The following EFCAB5 variants were observed in gnomAD, a reference collection of about 807,000 sequenced individuals.
EFCAB5 encodes the protein EF-hand calcium binding domain 5.
EFCAB5 carries 131 observed loss-of-function variants against 167.9 expected under a neutral mutation model. The observed-to-expected ratio is 0.78, with a 90% confidence interval of 0.68 to 0.90. EFCAB5 has a LOEUF of 0.90. Among genes scored for constraint, EFCAB5 ranks in the 40% least tolerant of loss-of-function variants. The pLI, the probability that EFCAB5 is intolerant of heterozygous loss-of-function variation, is 0.00. For missense variants in EFCAB5, 1,663 were observed against 1,745.2 expected, an observed-to-expected ratio of 0.95 and a Z score of 0.84; for synonymous variants, 574 against 602.8, an observed-to-expected ratio of 0.95 and a Z score of 0.70.
At chr17:30,060,616 C>A (rs1196547040) in intron 14 of EFCAB5, among the ~76,000 whole-genome samples, 1 of 152,156 alleles carries the variant, frequency 6.6e-6, no homozygotes, top group East Asian at 1.9e-4. Flanking sequence ...TTTCAAAAAT[C>A]ATTGTATTGG....
At chr17:29,971,057 G>C (rs889817898) in intron 4 of EFCAB5, among the ~76,000 whole-genome samples, 2 of 147,390 alleles carry the variant, frequency 1.4e-5, no homozygotes, top group African/African-American at 5.0e-5. Context: ...CTGGGCAACA[G>C]AGTGAGACCC....
intron 7 of EFCAB5, among the ~76,000 whole-genome samples, chr17:30,019,362 A>T (rs1202502694): frequency 6.6e-6 from 1 of 152,040 alleles, no homozygotes; most frequent in Non-Finnish European, 1.5e-5. Context: ...TTGAGTAATC[A>T]TATGATTATA....
intron 10 of EFCAB5, among the ~76,000 whole-genome samples, chr17:30,055,124 G>A (rs1415680876): frequency 4.0e-5 from 6 of 151,516 alleles, no homozygotes; most frequent in Non-Finnish European, 2.9e-5. Context: ...ATGGCGAAAC[G>A]CCATCTCAAA....
intron 3 of EFCAB5, chr17:29,950,545 A>G (rs956570180): frequency 6.7e-6 from 1 of 150,116 alleles, no homozygotes; most frequent in African/African-American, 2.5e-5. Context: ...TAAGTTTTTA[A>G]TTTTTTTTTG....
chr17:30,018,194 T>G (rs2069092915), intron 7 of EFCAB5, among the ~76,000 whole-genome samples: 1 of 147,678 alleles, frequency 6.8e-6, no homozygotes, highest in African/African-American at 2.5e-5. Context: ...GATGTCAGTG[T>G]TTTTTTTTTT....
intron 8 of EFCAB5, among the ~76,000 whole-genome samples, chr17:30,045,137 G>T (rs1597719209): frequency 6.6e-6 from 1 of 152,184 alleles, no homozygotes; most frequent in East Asian, 1.9e-4. Context: ...GGTTTCCTGG[G>T]ACCATGAGTG....
chr17:30,000,464 A>G (rs750637800), intron 7 of EFCAB5, among the ~76,000 whole-genome samples: 137 of 152,346 alleles, frequency 9.0e-4, no homozygotes, highest in African/African-American at 3.2e-3. Flanking sequence ...CAAAGTCTAC[A>G]TAATATTGCA....
chr17:30,013,077 C>T (rs563479303), intron 7 of EFCAB5, among the ~76,000 whole-genome samples: 32 of 152,072 alleles, frequency 2.1e-4, no homozygotes, highest in Non-Finnish European at 3.2e-4. Flanking sequence ...GTTTTGTCTT[C>T]GGTTCTGTTT....
chr17:30,053,265 T>C lies in EFCAB5; in HGVS notation c.1311T>C (p.Ile437=). 6.3e-7 allele frequency: 1 copy of C among 1,598,448 alleles called. No homozygotes were observed. The highest frequency in any genetic ancestry group is 1.1e-5 in the South Asian group (1 of 89,486). The change falls in exon 10 of 23, where the codon ATT becomes ATC. Residue 437 remains isoleucine, a synonymous_variant. Coordinates refer to ENST00000394835, the MANE Select transcript of EFCAB5 (RefSeq NM_198529.4). The part of the protein sequence containing the change: ...LLRNPRQWPF[I]EFEEINLTEL... Reference sequence around the variant, plus strand: ...TGTTTTCTGCATTAGGGCCATTCATTGAATTTGAAGAGATAAACTTGACTG... The same window carrying C: ...TGTTTTCTGCATTAGGGCCATTCATCGAATTTGAAGAGATAAACTTGACTG...
chr17:30,086,676 T>C (rs555616676), intron 18 of EFCAB5, among the ~76,000 whole-genome samples: 1 of 152,150 alleles, frequency 6.6e-6, no homozygotes, highest in Non-Finnish European at 1.5e-5. Context: ...GTGGATCACA[T>C]GAGGTGAGGA....
At chr17:29,934,371 A>C (rs935281519) in intron 1 of EFCAB5, among the ~76,000 whole-genome samples, 8 of 152,222 alleles carry the variant, frequency 5.3e-5, no homozygotes, top group Non-Finnish European at 1.2e-4. Flanking sequence ...CCATCTACCC[A>C]AACACTTTTT....
chr17:30,082,793 A>C, intron 17 of EFCAB5, 98 bp from the exon 18 acceptor site: 1 of 1,229,294 alleles, frequency 8.1e-7, no homozygotes, highest in Non-Finnish European at 1.1e-6. Flanking sequence ...ATTATCATGA[A>C]GTAATTAAAT....
intron 7 of EFCAB5, among the ~76,000 whole-genome samples, chr17:30,017,063 G>A (rs916474653): frequency 1.3e-5 from 2 of 151,938 alleles, no homozygotes; most frequent in Non-Finnish European, 2.9e-5. Context: ...TTTAGTCCCA[G>A]CTACTCAAGA....
intron 6 of EFCAB5, among the ~76,000 whole-genome samples, chr17:29,996,942 C>G (rs950585431): frequency 6.6e-6 from 1 of 152,122 alleles, no homozygotes; most frequent in East Asian, 1.9e-4. Flanking sequence ...ACTATATATA[C>G]TAGGATTAAG....
At chr17:30,034,487 C>A in intron 8 of EFCAB5, 102 bp downstream of exon 8, 1 of 1,433,832 alleles carries the variant, frequency 7.0e-7, no homozygotes, top group Non-Finnish European at 9.3e-7. Flanking sequence ...TTACTTGAGC[C>A]CAGGAGTTTG....
At chr17:30,045,902 G>A (rs534996818) in intron 8 of EFCAB5, among the ~76,000 whole-genome samples, 96 of 152,002 alleles carry the variant, frequency 6.3e-4, no homozygotes, top group African/African-American at 2.2e-3. Flanking sequence ...TTAGCTGAGT[G>A]TAGTGGCATG....
At chr17:30,078,596 T>G in intron 15 of EFCAB5, 92 bp downstream of exon 15, 1 of 1,389,218 alleles carries the variant, frequency 7.2e-7, no homozygotes, top group Non-Finnish European at 9.6e-7. Flanking sequence ...TGAATTCTCT[T>G]GAAAAATCAC....
chr17:29,985,136 T>C (rs778739267), intron 4 of EFCAB5, among the ~76,000 whole-genome samples: 4 of 152,210 alleles, frequency 2.6e-5, no homozygotes, highest in African/African-American at 4.8e-5. Context: ...GGAGTCCTAA[T>C]AGGAGTGATG....
chr17:29,930,519 G>C (rs1452654390), intron 1 of EFCAB5, among the ~76,000 whole-genome samples: 1 of 152,130 alleles, frequency 6.6e-6, no homozygotes, highest in Non-Finnish European at 1.5e-5. Flanking sequence ...TTATGAGGTG[G>C]GGCGGCGCAC....
Sources: gnomAD v4.1 joint callset for allele counts (sites outside exome capture counted in the v4.1 genomes callset) on GRCh38, gnomAD v4.1.1 for gene constraint, MANE v1.5 for transcripts, NCBI Gene and HGNC (gene_info 2026-07-23, HGNC 2026-07-21) for gene names.